The following LTBP4 variants were observed in gnomAD, a reference collection of about 807,000 sequenced individuals.
LTBP4 encodes the protein latent transforming growth factor beta binding protein 4, also known as latent-transforming growth factor beta-binding protein 4.
LTBP4 carries 93 observed loss-of-function variants against 180.2 expected under a neutral mutation model. The ratio of observed to expected loss-of-function variants is 0.52; its 90% confidence interval spans 0.44 to 0.61. The LOEUF is 0.61. Among genes scored for constraint, LTBP4 ranks in the 20% least tolerant of loss-of-function variants. LTBP4 has a pLI of 0.00. For synonymous variants in LTBP4, 947 were observed against 934.5 expected (o/e 1.01, Z -0.24); for missense variants, 2,116 against 2,256.5 (o/e 0.94, Z 1.26).
Position 40,606,512 on chromosome 19 carries a change from G to A in LTBP4, c.977G>A (p.Arg326His), listed in dbSNP as rs755353461. Residue 326 changes from arginine (R) to histidine (H), a missense_variant, in exon 6 of 30, where the codon CGC becomes CAC. Arg to His is a conservative substitution (Grantham distance 29). Coordinates refer to ENST00000396819, the MANE Select transcript of LTBP4 (RefSeq NM_001042545.2). ...CPDGFLLDSS[R>H]SSCISQHVIS... is the part of the protein sequence containing the mutation. ...GACGGCTTTCTGCTCGACTCGTCCC[G>A]CAGCAGCTGCATCTGTGAGCAACCA... 7 of 1,566,462 alleles carry A rather than the reference G, an allele frequency of 4.5e-6. No individual in the cohort carries two copies. In the Admixed American group the frequency reaches 1.3e-4, roughly 29 times the overall value.
chr19:40,622,050 C>G lies in LTBP4; in HGVS notation c.3218-351C>G, dbSNP rs1299901698. On this transcript the variant is annotated intron_variant, in intron 22 of 29. Transcript: ENST00000396819. The surrounding 1 kb of genome is among the most constrained non-coding windows in gnomAD (Gnocchi z 5.1). ...AGGCAGGAGCCACTGCACCTGGCGA[C>G]AAATTGTAGGTTTTGAGATGAAGAC... Among the ~76,000 whole-genome samples the G allele has an allele frequency of 3.3e-5, 5 of 152,120 alleles. No individual in the cohort carries two copies. Among genetic ancestry groups the G allele is most frequent in the Admixed American group, 3.3e-4 (5 of 15,270 alleles).
chr19:40,628,478 C>A (rs367948723), intron 29 of LTBP4, among the ~76,000 whole-genome samples: 45 of 152,232 alleles, frequency 3.0e-4, no homozygotes, highest in African/African-American at 1.1e-3. Context: ...CGCGCCATTG[C>A]ACTCCAGCCT....
At position 40,613,308 on chromosome 19, in the gene LTBP4, AC is replaced by A; in HGVS notation, c.2432-94del. 1 of 1,547,664 alleles carries A rather than the reference AC, an allele frequency of 6.5e-7. No homozygotes were observed. The highest frequency in any genetic ancestry group is 8.7e-7 in the Non-Finnish European group (1 of 1,144,362). On this transcript the variant is annotated intron_variant, in intron 16 of 29. Transcript: ENST00000396819. This position sits in a 1 kb window ranked among gnomAD's most constrained non-coding sequence, Gnocchi z 5.0. ...AAGGCGCTGTGGGAGGAGCTTAGAA[AC>A]CTGGCATTGGTGGGGGCGGGGTTAC...
chr19:40,622,450 C>G lies in LTBP4; in HGVS notation c.3267C>G (p.Pro1089=). 6.3e-7 allele frequency: 1 copy of G among 1,596,912 alleles called. No individual in the cohort carries two copies. The highest frequency in any genetic ancestry group is 8.5e-7 in the Non-Finnish European group (1 of 1,170,596). Residue 1089 remains proline, a synonymous_variant, in exon 23 of 30, where the codon CCC becomes CCG. Coordinates refer to ENST00000396819, the MANE Select transcript of LTBP4 (RefSeq NM_001042545.2). This position sits in a 1 kb window ranked among gnomAD's most constrained non-coding sequence, Gnocchi z 5.1. ...AGGCACCTGCTAGCCCCGTTCTGCC[C>G]GCCAGGCCACCTCCGCCACCCCTGC... The part of the protein sequence containing the change: ...QPQAPASPVL[P]ARPPPPPLPR...
At position 40,613,576 on chromosome 19, in the gene LTBP4, C is replaced by A; in HGVS notation, c.2557+47C>A. ...GGCCCCGGAAAGGGTGGGCTTAGGG[C>A]AGGAAAAGGCGGGACGGGGAGAAGA... On this transcript the variant is annotated intron_variant, in intron 17 of 29. Coordinates refer to ENST00000396819, the MANE Select transcript of LTBP4 (RefSeq NM_001042545.2). The surrounding 1 kb of genome is among the most constrained non-coding windows in gnomAD (Gnocchi z 5.0). 6.5e-7 allele frequency: 1 copy of A among 1,547,734 alleles called. No individual in the cohort carries two copies. Among genetic ancestry groups the A allele is most frequent in the Non-Finnish European group, 8.7e-7 (1 of 1,149,228 alleles).
chr19:40,602,219 C>G (rs1049639258), intron 1 of LTBP4, among the ~76,000 whole-genome samples: 3 of 149,174 alleles, frequency 2.0e-5, no homozygotes, highest in African/African-American at 7.5e-5. Flanking sequence ...TCCGCAGGAC[C>G]TGAGTTGCAG....
chr19:40,601,531 G>T lies in LTBP4; in HGVS notation c.144G>T (p.Gly48=). The T allele has an allele frequency of 6.7e-7, 1 of 1,493,188 alleles. No homozygotes were observed. Among genetic ancestry groups the T allele is most frequent in the South Asian group, 1.3e-5 (1 of 79,440 alleles). The allele number at this position is 1,493,188 out of a possible 1,614,324, so 92.5% of individuals were successfully genotyped here. Residue 48 remains glycine, a synonymous_variant, in exon 1 of 30, where the codon GGG becomes GGT. Coordinates refer to ENST00000396819, the MANE Select transcript of LTBP4 (RefSeq NM_001042545.2). Reference sequence around the variant, plus strand: ...TGTGCGGCCTGCGCTGCGTCCATGGGCCGACCGGCTCCCGCTGTACCCCGA... The same window carrying T: ...TGTGCGGCCTGCGCTGCGTCCATGGTCCGACCGGCTCCCGCTGTACCCCGA... ...PVVCGLRCVH[G]PTGSRCTPTC...
At position 40,616,932 on chromosome 19, in the gene LTBP4, C is replaced by T; in HGVS notation, c.2856C>T (p.Ala952=). Residue 952 remains alanine, a synonymous_variant, in exon 20 of 30, where the codon GCC becomes GCT. Transcript: ENST00000396819. ...AATATGGTCCCGAGATTTGTGGAGC[C>T]CAGCGTTGTGAGAACACCCCTGGCT... The part of the protein sequence containing the change: ...CQEYGPEICG[A]QRCENTPGSY... 1.2e-6 allele frequency: 2 copies of T among 1,613,990 alleles called. No individual in the cohort carries two copies. The highest frequency in any genetic ancestry group is 1.7e-6 in the Non-Finnish European group (2 of 1,179,892).
rs765083464 is a variant in LTBP4 at position 40,614,008 on chromosome 19, C to G, written c.2650C>G (p.Arg884Gly). The change falls in exon 18 of 30, where the codon CGC becomes GGC. Residue 884 changes from arginine (R) to glycine (G), a missense_variant. This residue lies in a region of LTBP4 where 877 missense variants were observed against 873.6 expected (regional missense o/e 1.00). Transcript: ENST00000396819. ...CGAGTGCATCTGTCCTCCGGGACACCGCGCTGGCCCGGACCTCGCCTCCTG... is the reference window on the plus strand; with the variant it reads ...CGAGTGCATCTGTCCTCCGGGACACGGCGCTGGCCCGGACCTCGCCTCCTG... The part of the protein sequence containing the change: ...SFECICPPGH[R>G]AGPDLASCLD... 3.1e-6 allele frequency: 5 copies of G among 1,613,362 alleles called. No individual in the cohort carries two copies. The East Asian group carries it at 8.9e-5, about 29-fold the overall frequency.
Position 40,606,391 on chromosome 19 carries a change from C to A in LTBP4, c.869-13C>A. On this transcript the variant is annotated splice_polypyrimidine_tract_variant and intron_variant, in intron 5 of 29. Transcript: ENST00000396819. Reference sequence around the variant, plus strand: ...AGTTCCTGACTCCACGGTGACCTCCCCAACCCTGGCAGATGTGGATGAGTG... The same window carrying A: ...AGTTCCTGACTCCACGGTGACCTCCACAACCCTGGCAGATGTGGATGAGTG... The A allele has an allele frequency of 6.2e-7, 1 of 1,607,192 alleles. No individual in the cohort carries two copies. Among genetic ancestry groups the A allele is most frequent in the East Asian group, 2.2e-5 (1 of 44,584 alleles).
rs1166886967 is a variant in LTBP4 at position 40,611,121 on chromosome 19, C to T, written c.1811-31C>T. The T allele has an allele frequency of 1.9e-6, 3 of 1,610,076 alleles. No homozygotes were observed. The highest frequency in any genetic ancestry group is 2.5e-6 in the Non-Finnish European group (3 of 1,176,736). On this transcript the variant is annotated intron_variant, in intron 12 of 29. Transcript: ENST00000396819. The surrounding 1 kb of genome is among the most constrained non-coding windows in gnomAD (Gnocchi z 4.4). Reference sequence around the variant, plus strand: ...CAGAGGTCAGGGAGGCAGAGGGGAACAAGTGACCCCGGGCCCCCTGCCCTG... The same window carrying T: ...CAGAGGTCAGGGAGGCAGAGGGGAATAAGTGACCCCGGGCCCCCTGCCCTG...
In LTBP4 at chr19:40,618,076, T is replaced by C. The variant is rs917526617; in HGVS notation, c.3070+851T>C. On this transcript the variant is annotated intron_variant, in intron 21 of 29. Coordinates refer to ENST00000396819, the MANE Select transcript of LTBP4 (RefSeq NM_001042545.2). ...TCTTCTCTTCTCTCTTTTTTTTTTT[T>C]ACTTTGAGGTGGGGTCTTGCTCTGT... Among the ~76,000 whole-genome samples the C allele has an allele frequency of 2.4e-4, 37 of 151,970 alleles. No individual in the cohort carries two copies. In the East Asian group the frequency reaches 2.5e-3, roughly 10 times the overall value.
upstream of LTBP4, chr19:40,599,436 G>A (rs576112520): frequency 5.0e-6 from 8 of 1,613,738 alleles, no homozygotes; most frequent in Non-Finnish European, 6.8e-6. Flanking sequence ...TGCAGGGTCC[G>A]AAGCTGCCAG....
chr19:40,628,868 GCGACAGAGACT>G (rs2081656464), intron 29 of LTBP4, among the ~76,000 whole-genome samples: 1 of 148,434 alleles, frequency 6.7e-6, no homozygotes, highest in African/African-American at 2.5e-5. Context: ...TCTTTTCTTG[GCGACAGAGACT>G]CACTCTGTCG....
chr19:40,609,931 T>C lies in LTBP4; in HGVS notation c.1684+60T>C. 2.7e-6 allele frequency: 4 copies of C among 1,461,022 alleles called. No individual in the cohort carries two copies. The highest frequency in any genetic ancestry group is 3.6e-6 in the Non-Finnish European group (4 of 1,105,254). The allele number at this position is 1,461,022 out of a possible 1,614,324, so 90.5% of individuals were successfully genotyped here. On this transcript the variant is annotated intron_variant, in intron 11 of 29. Coordinates refer to ENST00000396819, the MANE Select transcript of LTBP4 (RefSeq NM_001042545.2). This position sits in a 1 kb window ranked among gnomAD's most constrained non-coding sequence, Gnocchi z 4.9. ...CCCAGGGTCTCGCTCCTGCTCTCAC[T>C]CCAGAGCCTCTCCAGCCCTCCCACG...
intron 1 of LTBP4, 147 bp downstream of exon 1, chr19:40,601,784 GC>G: frequency 2.9e-6 from 2 of 688,802 alleles, no homozygotes; most frequent in Non-Finnish European, 4.2e-6. Flanking sequence ...GAGGAAGGGG[GC>G]CCCAAATTCC....
rs1245473952 is a variant in LTBP4, at chr19:40,613,559, A to G, written c.2557+30A>G. 6.4e-7 allele frequency: 1 copy of G among 1,554,630 alleles called. No homozygotes were observed. Among genetic ancestry groups the G allele is most frequent in the Non-Finnish European group, 8.7e-7 (1 of 1,151,832 alleles). On this transcript the variant is annotated intron_variant, in intron 17 of 29. Transcript: ENST00000396819. The surrounding 1 kb of genome is among the most constrained non-coding windows in gnomAD (Gnocchi z 5.0). ...GTACCCGGGCTGATCCTGGCCCCGG[A>G]AAGGGTGGGCTTAGGGCAGGAAAAG...
Position 40,624,201 on chromosome 19 carries a change from G to C in LTBP4, c.3832+119G>C, listed in dbSNP as rs2081608536. The C allele has an allele frequency of 1.8e-5, 22 of 1,230,286 alleles. No homozygotes were observed. In the East Asian group the frequency reaches 5.2e-4, roughly 29 times the overall value. 76.2% of individuals were successfully genotyped at this position (1,230,286 alleles called of 1,614,324 possible). ...AGGCCACGCCCCATGCTCCTGGCTC[G>C]ACCACGCCCCACTGAGCCCTCACTC... On this transcript the variant is annotated intron_variant, in intron 26 of 29. Coordinates refer to ENST00000396819, the MANE Select transcript of LTBP4 (RefSeq NM_001042545.2).
chr19:40,624,178 G>GCCACGCCCCATGCTCCTGGCTCGA, intron 26 of LTBP4, 96 bp downstream of exon 26: 1 of 1,380,106 alleles, frequency 7.2e-7, no homozygotes, highest in Non-Finnish European at 9.6e-7. Context: ...CCCTCCGAAG[G>GCCACGCCCCATGCTCCTGGCTCGA]CCACGCCCCA....
Sources: gnomAD v4.1 joint callset for allele counts (sites outside exome capture counted in the v4.1 genomes callset) on GRCh38, gnomAD v4.1.1 for gene constraint, gnomAD v4.1.1 regional missense constraint, Gnocchi (gnomAD v3.1) non-coding constraint, MANE v1.5 for transcripts, NCBI Gene and HGNC (gene_info 2026-07-23, HGNC 2026-07-21) for gene names.